RGS22: variants seen among roughly 807,000 people sequenced by gnomAD.
RGS22 encodes regulator of G protein signaling 22, also known as regulator of G-protein signaling 22.
In RGS22, 148 loss-of-function variants were observed where a neutral mutation model predicts 172.9. That is an observed-to-expected ratio of 0.86 (90% confidence interval 0.75 to 0.98). RGS22 has a LOEUF of 0.98. Among genes scored for constraint, RGS22 ranks in the 50% least tolerant of loss-of-function variants. The pLI is 0.00. For missense variants in RGS22, 1,347 were observed against 1,440.8 expected (o/e 0.93, Z 1.05); for synonymous variants, 458 against 480.2 (o/e 0.95, Z 0.60).
At chr8:100,036,556 A>G (rs1390057197) in intron 14 of RGS22, among the ~76,000 whole-genome samples, 1 of 152,214 alleles carries the variant, frequency 6.6e-6, no homozygotes, top group Non-Finnish European at 1.5e-5. Context: ...TAGCACACGA[A>G]TTGGCAGAAA....
In RGS22 at chr8:100,072,169, T is replaced by G; in HGVS notation, c.401A>C (p.Glu134Ala). Residue 134 changes from glutamate (E) to alanine (A), a missense_variant, in exon 5 of 28, where the codon GAA (glutamate) becomes GCA (alanine). Coordinates refer to ENST00000360863, the MANE Select transcript of RGS22 (RefSeq NM_015668.5). The stretch of plus-strand genomic sequence containing the variant: ...CCTGTATTCAAAGTAACAATCACTT[T>G]CCAGAAATGCTGGAAGTCTTTCTTT... ...IKKERLPAFL[E>A]SDCYFEYRLA... 6.2e-7 allele frequency: 1 copy of G among 1,602,392 alleles called. No homozygotes were observed. The highest frequency in any genetic ancestry group is 8.5e-7 in the Non-Finnish European group (1 of 1,173,608).
chr8:100,087,464 T>C (rs1294595839), intron 3 of RGS22, among the ~76,000 whole-genome samples: 1 of 152,134 alleles, frequency 6.6e-6, no homozygotes, highest in Non-Finnish European at 1.5e-5. Context: ...TGAAAATATT[T>C]TTACCAGAGT....
At chr8:100,056,005 T>C (rs998525264) in intron 9 of RGS22, among the ~76,000 whole-genome samples, 4 of 152,152 alleles carry the variant, frequency 2.6e-5, no homozygotes, top group South Asian at 2.1e-4. Flanking sequence ...CAGAAGAAGA[T>C]AGCAAGATGT....
rs774075202 is a variant in RGS22, at chr8:100,066,325, CAT to C, written c.595-31_595-30del. 11 of 1,598,150 alleles carry C rather than the reference CAT, an allele frequency of 6.9e-6. No individual in the cohort carries two copies. In the South Asian group the frequency reaches 1.0e-4, roughly 14 times the overall value. Reference sequence around the variant, plus strand: ...GGAAGAAGGGAGCATATTAGTTTAACATATGATTAGCAGTATTACTCTGATCA... The same window carrying C: ...GGAAGAAGGGAGCATATTAGTTTAACATGATTAGCAGTATTACTCTGATCA... On this transcript the variant is annotated intron_variant, in intron 6 of 27. Transcript: ENST00000360863.
At chr8:100,033,403 A>T (rs999796173) in intron 14 of RGS22, among the ~76,000 whole-genome samples, 1 of 152,198 alleles carries the variant, frequency 6.6e-6, no homozygotes, top group African/African-American at 2.4e-5. Context: ...TATGCAAATA[A>T]ACTAGAAAAT....
rs186985020 is a variant in RGS22, at chr8:100,087,672, C to T, written c.117+5775G>A. Among the ~76,000 whole-genome samples the T allele has an allele frequency of 5.9e-5, 9 of 152,218 alleles. No homozygotes were observed. In the East Asian group the frequency reaches 1.7e-3, roughly 29 times the overall value. On this transcript the variant is annotated intron_variant, in intron 3 of 27. Transcript: ENST00000360863. ...CATCTCTGCTCCAACTCTGTCTTTACTAATTGAGCTCCAAAGCTGTATTTT... is the reference window on the plus strand; with the variant it reads ...CATCTCTGCTCCAACTCTGTCTTTATTAATTGAGCTCCAAAGCTGTATTTT...
chr8:100,003,759 C>A (rs890942989), intron 17 of RGS22, among the ~76,000 whole-genome samples, 167 bp downstream of exon 17: 2 of 152,096 alleles, frequency 1.3e-5, no homozygotes, highest in Non-Finnish European at 2.9e-5. Flanking sequence ...AAATGTACTC[C>A]ATCTTTAAAA....
intron 14 of RGS22, among the ~76,000 whole-genome samples, chr8:100,032,256 G>GT (rs571827470): frequency 5.3e-4 from 81 of 152,258 alleles, no homozygotes; most frequent in Admixed American, 8.5e-4. Flanking sequence ...TCAGTGTGCT[G>GT]TATTCAGGAG....
In RGS22 at chr8:99,962,968, C is replaced by A; in HGVS notation, c.3626G>T (p.Cys1209Phe). 1 of 1,565,086 alleles carries A rather than the reference C, an allele frequency of 6.4e-7. No homozygotes were observed. The highest frequency in any genetic ancestry group is 2.3e-5 in the East Asian group (1 of 43,710). Residue 1209 changes from cysteine to phenylalanine, a missense_variant, in exon 25 of 28, where the codon TGC (cysteine) becomes TTC (phenylalanine). By Grantham distance (205) the Cys-to-Phe change is radical (BLOSUM62 -2). Transcript: ENST00000360863. ...LQPYGRQPTW[C>F]YSKYIEALEQ... ...TAAGGCTTCTATATACTTTGAGTAG[C>A]ACCAGGTTGGCTAAAAAAAGCAATT...
chr8:100,017,356 C>T (rs1588983196), intron 14 of RGS22, among the ~76,000 whole-genome samples: 1 of 152,064 alleles, frequency 6.6e-6, no homozygotes, highest in East Asian at 1.9e-4. Context: ...GCATCCCAAG[C>T]CTACATTACA....
chr8:99,984,948 T>C (rs1453618972), intron 21 of RGS22, among the ~76,000 whole-genome samples: 1 of 152,210 alleles, frequency 6.6e-6, no homozygotes, highest in Non-Finnish European at 1.5e-5. Context: ...TCTTCTACTA[T>C]ATAGATATAT....
intron 23 of RGS22, 77 bp from the exon 24 acceptor site, chr8:99,965,507 T>G (rs1458755616): frequency 2.6e-5 from 27 of 1,039,294 alleles, no homozygotes; most frequent in Non-Finnish European, 3.9e-5. Context: ...TAAGGAGTTA[T>G]AACATCATAT....
Position 100,047,446 on chromosome 8 carries a change from CAA to C in RGS22, c.1823+15_1823+16del. On this transcript the variant is annotated intron_variant, in intron 11 of 27. Transcript: ENST00000360863. ...GTATTGCAGAAAAGCACTTAACACA[CAA>C]AAAGTTGCACCTACCCTTTCTCAAT... 1 of 1,574,332 alleles carries C rather than the reference CAA, an allele frequency of 6.4e-7. No individual in the cohort carries two copies. Among genetic ancestry groups the C allele is most frequent in the Non-Finnish European group, 8.6e-7 (1 of 1,166,542 alleles).
intron 9 of RGS22, among the ~76,000 whole-genome samples, chr8:100,058,557 TAATGGCAA>T (rs1297688663): frequency 6.6e-6 from 1 of 152,172 alleles, no homozygotes; most frequent in East Asian, 1.9e-4. Flanking sequence ...ATATTAAAAG[TAATGGCAA>T]AAACTGCAAT....
At chr8:100,027,703 G>A (rs779372560) in intron 14 of RGS22, among the ~76,000 whole-genome samples, 3 of 152,058 alleles carry the variant, frequency 2.0e-5, no homozygotes, top group South Asian at 2.1e-4. Context: ...GGCTGGTCTC[G>A]AACTCCTGAG....
chr8:100,078,776 G>A (rs1160962019), intron 4 of RGS22, among the ~76,000 whole-genome samples: 1 of 152,018 alleles, frequency 6.6e-6, no homozygotes, highest in African/African-American at 2.4e-5. Flanking sequence ...ACAAGTGTAC[G>A]CCACCATGCC....
chr8:99,961,429 G>A (rs1028546858), intron 27 of RGS22, among the ~76,000 whole-genome samples: 18 of 152,180 alleles, frequency 1.2e-4, no homozygotes, highest in Admixed American at 3.9e-4. Context: ...ATGATAGTGA[G>A]TGAGTTCTCA....
At chr8:100,038,603 C>T (rs1004169181) in intron 14 of RGS22, 8 of 182,740 alleles carry the variant, frequency 4.4e-5, no homozygotes, top group African/African-American at 1.2e-4. Flanking sequence ...ATTACATGTC[C>T]ATTCTCGGGG....
At chr8:100,011,573 A>G (rs1816390462) in intron 14 of RGS22, among the ~76,000 whole-genome samples, 1 of 152,184 alleles carries the variant, frequency 6.6e-6, no homozygotes, top group Admixed American at 6.5e-5. Context: ...AAGTCTCGCA[A>G]TGATGAGGAG....
Sources: allele counts gnomAD v4.1 joint callset (sites outside exome capture counted in the v4.1 genomes callset), GRCh38; gene constraint gnomAD v4.1.1; transcripts MANE v1.5; gene names NCBI Gene and HGNC (gene_info 2026-07-23, HGNC 2026-07-21).